Variants in ABCC1 observed in about 807,000 individuals in gnomAD.
ABCC1 encodes the protein multidrug resistance-associated protein 1.
In ABCC1, 83 loss-of-function variants were observed where a neutral mutation model predicts 172.9. The ratio of observed to expected loss-of-function variants is 0.48; its 90% confidence interval spans 0.40 to 0.58. ABCC1 has a LOEUF of 0.58. Ranked by LOEUF, ABCC1 falls within the 20% of genes least tolerant of loss-of-function variation. The pLI, the probability that ABCC1 is intolerant of heterozygous loss-of-function variation, is 0.00. For synonymous variants in ABCC1, 937 were observed against 825.2 expected (o/e 1.14, Z -2.32); for missense variants, 1,817 against 2,002.7 (o/e 0.91, Z 1.77).
intron 19 of ABCC1, among the ~76,000 whole-genome samples, chr16:16,096,006 T>A (rs962219286): frequency 2.1e-4 from 32 of 152,156 alleles, no homozygotes; most frequent in African/African-American, 7.5e-4. Context: ...GTGGCTCATA[T>A]GTGTAATGCC....
chr16:16,038,743 C>T (rs74011375), intron 7 of ABCC1, among the ~76,000 whole-genome samples: 2,745 of 152,258 alleles, frequency 0.018, 90 homozygotes, highest in African/African-American at 0.062. Context: ...CTGCAGCATC[C>T]CCCCCGCTAA....
At chr16:16,131,234 G>T (rs2045660508) in intron 26 of ABCC1, among the ~76,000 whole-genome samples, 1 of 152,170 alleles carries the variant, frequency 6.6e-6, no homozygotes, top group South Asian at 2.1e-4. Context: ...ATGGTCCATT[G>T]AGCCATTATC....
Position 16,040,560 on chromosome 16 carries a change from T to A in ABCC1, c.810-3890T>A, listed in dbSNP as rs146081803. ...CCTCGGCCTCCCAAAGTGCTGGGAT[T>A]ACAGGTGTGAGCCACTGCGCCTGGC... On this transcript the variant is annotated intron_variant, in intron 7 of 30. Transcript: ENST00000399410. 4.8e-3 allele frequency among the ~76,000 whole-genome samples: 732 copies of A among 152,288 alleles called. 9 individuals carry two copies. Among genetic ancestry groups the A allele is most frequent in the African/African-American group, 0.014 (574 of 41,570 alleles).
chr16:16,088,104 TTATAA>T (rs961043547), intron 18 of ABCC1, among the ~76,000 whole-genome samples: 19 of 147,424 alleles, frequency 1.3e-4, no homozygotes, highest in Admixed American at 4.9e-4. Flanking sequence ...GGATATCTTC[TTATAA>T]TATATGTGTG....
At chr16:15,988,368 A>G (rs1313751757) in intron 1 of ABCC1, among the ~76,000 whole-genome samples, 1 of 151,950 alleles carries the variant, frequency 6.6e-6, no homozygotes, top group East Asian at 1.9e-4. Flanking sequence ...CTTGGTCCCT[A>G]TTGTTCACTG....
intron 10 of ABCC1, among the ~76,000 whole-genome samples, chr16:16,052,361 A>C (rs1321009173): frequency 6.6e-6 from 1 of 151,990 alleles, no homozygotes; most frequent in Admixed American, 6.6e-5. Flanking sequence ...TGGAGGCTGA[A>C]GTAGGAGGAT....
chr16:16,046,983 CT>C (rs35666498), intron 9 of ABCC1, among the ~76,000 whole-genome samples: 61,079 of 151,630 alleles, frequency 0.4, 14,040 homozygotes, highest in African/African-American at 0.64. Flanking sequence ...TCACTGGAGG[CT>C]TGGAAGTTCA....
At chr16:16,019,709 CT>C (rs1428985352) in intron 5 of ABCC1, among the ~76,000 whole-genome samples, 5 of 152,110 alleles carry the variant, frequency 3.3e-5, no homozygotes. Context: ...TGACTTGGAC[CT>C]TTTTTTGTGC....
chr16:15,972,787 C>CTTT (rs35086205), intron 1 of ABCC1, among the ~76,000 whole-genome samples: 2,337 of 89,168 alleles, frequency 0.026, 65 homozygotes, highest in Non-Finnish European at 0.037. Flanking sequence ...TATTTTTTAA[C>CTTT]TTTTTTTTTT....
chr16:15,990,233 G>A (rs1364868654), intron 1 of ABCC1, among the ~76,000 whole-genome samples: 1 of 152,062 alleles, frequency 6.6e-6, no homozygotes, highest in Non-Finnish European at 1.5e-5. Context: ...TTTTAGTAGA[G>A]ACAGGGTTTC....
rs1342948105 is a variant in ABCC1, at chr16:16,117,000, T to C, written c.3390+1924T>C. Among the ~76,000 whole-genome samples, 2 of 152,164 alleles carry C rather than the reference T, an allele frequency of 1.3e-5. 1 individual carries two copies. The highest frequency in any genetic ancestry group is 2.9e-5 in the Non-Finnish European group (2 of 68,034). ...AGCATGGACCTGCTGGACAAAGGGA[T>C]GATTCACACCGCGGATGGGACTGGG... On this transcript the variant is annotated intron_variant, in intron 23 of 30. Coordinates refer to ENST00000399410, the MANE Select transcript of ABCC1 (RefSeq NM_004996.4).
In ABCC1 at chr16:16,103,220, G is replaced by A. The variant is rs184764191; in HGVS notation, c.2735+503G>A. Among the ~76,000 whole-genome samples, 20 of 152,196 alleles carry A rather than the reference G, an allele frequency of 1.3e-4. No individual in the cohort carries two copies. In the East Asian group the frequency reaches 2.5e-3, roughly 19 times the overall value. ...AAGTATGCTCGTGTTTGATTATAGA[G>A]GGCTTCCTTAGATCCCTGGGGATTT... On this transcript the variant is annotated intron_variant, in intron 20 of 30. Transcript: ENST00000399410.
At chr16:16,027,828 G>C (rs1006064818) in intron 5 of ABCC1, among the ~76,000 whole-genome samples, 3 of 152,036 alleles carry the variant, frequency 2.0e-5, no homozygotes, top group African/African-American at 7.2e-5. Context: ...TATATTTAAG[G>C]TGTACAGTTT....
At chr16:16,095,233 T>G (rs1379454444) in intron 19 of ABCC1, 1 of 152,206 alleles carries the variant, frequency 6.6e-6, no homozygotes, top group Non-Finnish European at 1.5e-5. Context: ...CTCAAGCCCC[T>G]TAGGGGAACA....
intron 1 of ABCC1, among the ~76,000 whole-genome samples, chr16:15,959,471 G>A (rs1446458322): frequency 6.6e-6 from 1 of 152,132 alleles, no homozygotes; most frequent in African/African-American, 2.4e-5. Context: ...GACCAGAGGT[G>A]CACACCACCA....
intron 15 of ABCC1, among the ~76,000 whole-genome samples, chr16:16,076,770 C>A (rs1402631950): frequency 6.6e-6 from 1 of 152,204 alleles, no homozygotes; most frequent in Non-Finnish European, 1.5e-5. Flanking sequence ...GTTTCACTTT[C>A]TCCTGGTCTG....
chr16:16,119,309 C>G (rs950589924), intron 23 of ABCC1, among the ~76,000 whole-genome samples: 1 of 152,016 alleles, frequency 6.6e-6, no homozygotes, highest in African/African-American at 2.4e-5. Context: ...GGTGTGGTGG[C>G]GTGAACCTGT....
chr16:15,954,966 A>T (rs768666806), intron 1 of ABCC1, among the ~76,000 whole-genome samples: 4 of 152,138 alleles, frequency 2.6e-5, no homozygotes, highest in Non-Finnish European at 2.9e-5. Context: ...ATCTGTCAGC[A>T]AATCGTGTTG....
At chr16:16,132,510 G>GTGTTTTTTTTTTT (rs2045735348) in intron 27 of ABCC1, among the ~76,000 whole-genome samples, 1 of 37,300 alleles carries the variant, frequency 2.7e-5, no homozygotes, top group Non-Finnish European at 5.0e-5. Context: ...TTGGTTGGTT[G>GTGTTTTTTTTTTT]TTTTTTTTTT....
Sources: gnomAD v4.1 joint callset for allele counts (sites outside exome capture counted in the v4.1 genomes callset) on GRCh38, gnomAD v4.1.1 for gene constraint, MANE v1.5 for transcripts, NCBI Gene and HGNC (gene_info 2026-07-23, HGNC 2026-07-21) for gene names.